The following MTSS1 variants were observed in gnomAD, a reference collection of about 807,000 sequenced individuals.
MTSS1 encodes MTSS I-BAR domain containing 1.
Under a neutral mutation model 79.0 loss-of-function variants are expected in MTSS1, and 18 were observed. That is an observed-to-expected ratio of 0.23 (90% CI 0.16 to 0.34). The LOEUF (loss-of-function observed/expected upper bound fraction) is 0.34. MTSS1 is among the 10% of genes least tolerant of loss of function. MTSS1 has a pLI of 1.00. For missense variants in MTSS1, 815 were observed against 986.2 expected (o/e 0.83, Z 2.33); for synonymous variants, 341 against 368.6 (o/e 0.93, Z 0.86).
chr8:124,589,796 C>T lies in MTSS1; in HGVS notation c.294-85G>A, dbSNP rs1831516415. 1.2e-5 allele frequency: 12 copies of T among 972,120 alleles called. No individual in the cohort carries two copies. The South Asian group carries it at 1.7e-4, about 13-fold the overall frequency. The allele number at this position is 972,120 out of a possible 1,614,324, so 60.2% of individuals were successfully genotyped here. A position where few individuals can be genotyped will look rare whatever the true frequency, so the allele number is the denominator to read the frequency against. On this transcript the variant is annotated intron_variant, in intron 4 of 13. Transcript: ENST00000518547. ...TTTAAATGTGGTTGTCAAAACATAC[C>T]TAAATCACAATTACCCGAAACGTTC...
At chr8:124,676,218 AGGAC>A (rs1234986020) in intron 3 of MTSS1, among the ~76,000 whole-genome samples, 4 of 152,284 alleles carry the variant, frequency 2.6e-5, no homozygotes, top group African/African-American at 9.6e-5. Context: ...AATGTGTAAC[AGGAC>A]TGTCTCAAAA....
chr8:124,612,592 G>A (rs949736161), intron 3 of MTSS1, among the ~76,000 whole-genome samples: 6 of 142,688 alleles, frequency 4.2e-5, no homozygotes, highest in Non-Finnish European at 9.1e-5. Flanking sequence ...GTGTGTGTGT[G>A]TGTGTGTGTG....
At position 124,622,094 on chromosome 8, in the gene MTSS1, G is replaced by GAGAGAGAA. The variant is rs1554678118; in HGVS notation, c.209-30860_209-30859insTTCTCTCT. ...AGAGAGAGAGAGAGAGAGAGAGAGA[G>GAGAGAGAA]AGAATATGAATATATTTTTCAGCCT... On this transcript the variant is annotated intron_variant, in intron 3 of 13. Coordinates refer to ENST00000518547, the MANE Select transcript of MTSS1 (RefSeq NM_014751.6). Among the ~76,000 whole-genome samples, 1,213 of 150,164 alleles carry GAGAGAGAA rather than the reference G, an allele frequency of 8.1e-3. 58 individuals carry two copies. Among genetic ancestry groups the GAGAGAGAA allele is most frequent in the Admixed American group, 0.064 (968 of 15,080 alleles).
chr8:124,555,634 TGTTA>T (rs1484423380), intron 13 of MTSS1, 104 bp downstream of exon 13: 38 of 1,281,504 alleles, frequency 3.0e-5, no homozygotes, highest in African/African-American at 7.6e-5. Context: ...TCCTGACACC[TGTTA>T]GTTAGCGAGT....
chr8:124,721,673 A>G (rs960701573), intron 1 of MTSS1, among the ~76,000 whole-genome samples: 4 of 63,184 alleles, frequency 6.3e-5, no homozygotes, highest in Non-Finnish European at 1.5e-4. Context: ...GGCCTCCCAG[A>G]GTGATGGGCA....
intron 3 of MTSS1, among the ~76,000 whole-genome samples, chr8:124,692,282 G>A (rs1029243025): frequency 3.3e-5 from 5 of 151,580 alleles, no homozygotes; most frequent in African/African-American, 9.7e-5. Context: ...CACCCACCTC[G>A]GCCTCTCAAA....
At chr8:124,619,040 T>A (rs4870913) in intron 3 of MTSS1, among the ~76,000 whole-genome samples, 39,734 of 151,760 alleles carry the variant, frequency 0.26, 7,100 homozygotes, top group African/African-American at 0.51. Context: ...TGCAAGGAGG[T>A]TTTCACCAGA....
At chr8:124,644,718 G>C (rs970949811) in intron 3 of MTSS1, among the ~76,000 whole-genome samples, 2 of 152,194 alleles carry the variant, frequency 1.3e-5, no homozygotes, top group Non-Finnish European at 2.9e-5. Context: ...CTGCTACAGA[G>C]GCTGTGAGCA....
chr8:124,658,765 A>G (rs1821455774), intron 3 of MTSS1, among the ~76,000 whole-genome samples: 1 of 152,110 alleles, frequency 6.6e-6, no homozygotes, highest in African/African-American at 2.4e-5. Flanking sequence ...CCAAGGGGGA[A>G]ATCCACCCCC....
At chr8:124,600,342 A>T (rs2132963992) in intron 3 of MTSS1, among the ~76,000 whole-genome samples, 1 of 152,340 alleles carries the variant, frequency 6.6e-6, no homozygotes, top group South Asian at 2.1e-4. Context: ...TCACACTGCA[A>T]ACATTTACAT....
chr8:124,610,177 C>T (rs1272114663), intron 3 of MTSS1, among the ~76,000 whole-genome samples: 12 of 152,246 alleles, frequency 7.9e-5, no homozygotes, highest in East Asian at 7.7e-4. Context: ...ACAATAGGAT[C>T]GTGATTCTTC....
At chr8:124,707,444 A>G (rs1309670929) in intron 1 of MTSS1, among the ~76,000 whole-genome samples, 1 of 151,662 alleles carries the variant, frequency 6.6e-6, no homozygotes, top group African/African-American at 2.4e-5. Flanking sequence ...CAGGCCAGGC[A>G]CGGTAGCTCA....
chr8:124,684,524 A>G (rs1382178863), intron 3 of MTSS1, among the ~76,000 whole-genome samples: 1 of 152,206 alleles, frequency 6.6e-6, no homozygotes, highest in Non-Finnish European at 1.5e-5. Context: ...GGATGGGTAG[A>G]TTTTCCTTCT....
At chr8:124,648,817 A>G (rs531736896) in intron 3 of MTSS1, among the ~76,000 whole-genome samples, 1 of 152,268 alleles carries the variant, frequency 6.6e-6, no homozygotes, top group Admixed American at 6.5e-5. Context: ...CAAGGCCATC[A>G]GTACGCCATG....
At chr8:124,649,228 T>G (rs1819530739) in intron 3 of MTSS1, among the ~76,000 whole-genome samples, 1 of 151,938 alleles carries the variant, frequency 6.6e-6, no homozygotes, top group African/African-American at 2.4e-5. Flanking sequence ...ACAATGGGAG[T>G]GTTGAGTGGT....
intron 1 of MTSS1, among the ~76,000 whole-genome samples, chr8:124,711,558 C>A (rs1030481607): frequency 6.6e-6 from 1 of 152,088 alleles, no homozygotes; most frequent in African/African-American, 2.4e-5. Context: ...CAGGTTGGGT[C>A]GCGCTTTACA....
At chr8:124,567,045 G>T in intron 8 of MTSS1, 26 bp downstream of exon 8, 1 of 1,554,660 alleles carries the variant, frequency 6.4e-7, no homozygotes, top group Non-Finnish European at 8.9e-7. Context: ...GTTTGATCCT[G>T]TAAGTGCTTA....
intron 3 of MTSS1, among the ~76,000 whole-genome samples, chr8:124,688,535 C>T (rs1310491604): frequency 6.6e-6 from 1 of 152,068 alleles, no homozygotes; most frequent in Non-Finnish European, 1.5e-5. Flanking sequence ...AAATAGCCTC[C>T]CCCCTTCCAA....
chr8:124,620,777 T>C (rs1446979925), intron 3 of MTSS1, among the ~76,000 whole-genome samples: 1 of 152,202 alleles, frequency 6.6e-6, no homozygotes, highest in Non-Finnish European at 1.5e-5. Context: ...GAAAAAACCA[T>C]GAGGATTTTA....
Sources: gnomAD v4.1 joint callset for allele counts (sites outside exome capture counted in the v4.1 genomes callset) on GRCh38, gnomAD v4.1.1 for gene constraint, MANE v1.5 for transcripts, NCBI Gene and HGNC (gene_info 2026-07-23, HGNC 2026-07-21) for gene names.